Variants in FBXW9 observed in about 807,000 individuals in gnomAD.
FBXW9 encodes F-box/WD repeat-containing protein 9.
FBXW9 carries 38 observed loss-of-function variants against 55.8 expected under a neutral mutation model. That is an observed-to-expected ratio of 0.68 (90% confidence interval 0.53 to 0.89). The LOEUF is 0.89. Among genes scored for constraint, FBXW9 ranks in the 40% least tolerant of loss-of-function variants. The pLI is 0.00. For missense variants in FBXW9, 590 were observed against 619.4 expected, an observed-to-expected ratio of 0.95 and a Z score of 0.50; for synonymous variants, 289 against 278.2, an observed-to-expected ratio of 1.04 and a Z score of -0.38.
At position 12,694,822 on chromosome 19, in the gene FBXW9, C is replaced by T. The variant is rs750274311; in HGVS notation, c.526G>A (p.Val176Ile). ...FCLAEGHVASVDSVLLLQGGS... is the reference protein window; with the variant it reads ...FCLAEGHVASIDSVLLLQGGS... ...ACCTGGAGCAGCAGCACTGAGTCAA[C>T]GGAAGCCACGTGGCCTTCGGCCAGG... is the stretch of plus-strand genomic sequence containing the variant. The change falls in exon 2 of 10, where the codon GTT becomes ATT. Residue 176 changes from valine to isoleucine, a missense_variant. Transcript: ENST00000393261. The T allele has an allele frequency of 1.4e-5, 22 of 1,613,970 alleles. No homozygotes were observed. The South Asian group carries it at 1.4e-4, about 10-fold the overall frequency.
chr19:12,690,379 G>A (rs376760936), intron 5 of FBXW9, among the ~76,000 whole-genome samples: 1 of 152,150 alleles, frequency 6.6e-6, no homozygotes, highest in Non-Finnish European at 1.5e-5. Flanking sequence ...GACCAAGGTG[G>A]TCTCAGTCTT....
chr19:12,689,553 G>T lies in FBXW9; in HGVS notation c.1224C>A (p.Asp408Glu). 6.2e-7 allele frequency: 1 copy of T among 1,614,134 alleles called. No homozygotes were observed. Residue 408 changes from aspartate to glutamate, a missense_variant, in exon 8 of 10, where the codon GAC (aspartate) becomes GAA (glutamate). Physicochemically the swap from Asp to Glu is conservative, Grantham distance 45. Coordinates refer to ENST00000393261, the MANE Select transcript of FBXW9 (RefSeq NM_032301.3). This position sits in a 1 kb window ranked among gnomAD's most constrained non-coding sequence, Gnocchi z 5.9. The part of the protein sequence containing the change: ...SVGALYTTST[D>E]KTIRVHVPTD... ...GCAGGAGCCTCACCCGGATGGTCTT[G>T]TCAGTGGATGTGGTGTACAAGGCTC...
rs774969700 is a variant in FBXW9, at chr19:12,696,568, A to AG, written c.13dup (p.Leu5ProfsTer6). On this transcript the variant is annotated frameshift_variant, in exon 1 of 10. Transcript: ENST00000393261. LOFTEE classifies it high-confidence loss of function. ...GGTGCGGGAATCATCGCACCGCCCT[A>AG]GGGGAAGCTCCATTGCGACCGGGTG... 3.1e-6 allele frequency: 5 copies of AG among 1,610,442 alleles called. No homozygotes were observed. The South Asian group carries it at 5.5e-5, about 18-fold the overall frequency.
chr19:12,694,209 C>T (rs2145409637), intron 3 of FBXW9, among the ~76,000 whole-genome samples: 1 of 150,952 alleles, frequency 6.6e-6, no homozygotes, highest in East Asian at 2.0e-4. Context: ...GGTGTGGTGG[C>T]ATGCACCTGT....
intron 3 of FBXW9, among the ~76,000 whole-genome samples, chr19:12,692,169 T>C (rs1376944725): frequency 6.6e-6 from 1 of 151,908 alleles, no homozygotes; most frequent in Non-Finnish European, 1.5e-5. Flanking sequence ...AAGCAATCCT[T>C]GTACCACAGC....
chr19:12,691,633 G>A (rs1387373514), intron 3 of FBXW9, among the ~76,000 whole-genome samples, 179 bp from the exon 4 acceptor site: 1 of 152,178 alleles, frequency 6.6e-6, no homozygotes, highest in East Asian at 1.9e-4. Flanking sequence ...ACCCAACTCT[G>A]GCTCCAGGTG....
intron 3 of FBXW9, among the ~76,000 whole-genome samples, chr19:12,693,041 A>G (rs118088305): frequency 0.014 from 2,061 of 152,152 alleles, 48 homozygotes; most frequent in Admixed American, 0.046. Context: ...TTGCCCACCA[A>G]TCCCGCTGAG....
rs529787620 is a variant in FBXW9, at chr19:12,688,967, G to A, written c.*249C>T. On this transcript the variant is annotated 3_prime_UTR_variant, in exon 10 of 10. Transcript: ENST00000393261. ...TTCTCCTTCGCTCTCAACTGAGAGCGGGGCATCCAAATCATAACAAAACCA... is the reference window on the plus strand; with the variant it reads ...TTCTCCTTCGCTCTCAACTGAGAGCAGGGCATCCAAATCATAACAAAACCA... 15 of 673,244 alleles carry A rather than the reference G, an allele frequency of 2.2e-5. No homozygotes were observed. Among genetic ancestry groups the A allele is most frequent in the East Asian group, 2.0e-4 (7 of 35,646 alleles). The allele number at this position is 673,244 out of a possible 1,614,324, so 41.7% of individuals were successfully genotyped here. A position where few individuals can be genotyped will look rare whatever the true frequency, so the allele number is the denominator to read the frequency against.
At chr19:12,693,535 T>A (rs1235375233) in intron 3 of FBXW9, among the ~76,000 whole-genome samples, 2,321 of 9,742 alleles carry the variant, frequency 0.24, 552 homozygotes, top group South Asian at 0.31. Context: ...AAAAAATATA[T>A]ATATATATAT....
At chr19:12,691,760 C>CT (rs919563211) in intron 3 of FBXW9, among the ~76,000 whole-genome samples, 30 of 147,780 alleles carry the variant, frequency 2.0e-4, no homozygotes, top group Admixed American at 2.0e-4. Context: ...CACCCAGAAA[C>CT]TTTTTTTTTT....
At position 12,696,552 on chromosome 19, in the gene FBXW9, A is replaced by G. The variant is rs2145414569; in HGVS notation, c.30T>C (p.Asp10=). 1 of 1,611,896 alleles carries G rather than the reference A, an allele frequency of 6.2e-7. No homozygotes were observed. Among genetic ancestry groups the G allele is most frequent in the South Asian group, 1.1e-5 (1 of 91,078 alleles). ...CCGAGTCATCGTCCCAGGTGCGGGA[A>G]TCATCGCACCGCCCTAGGGGAAGCT... MELPLGRCD[D]SRTWDDDSDP... is the part of the protein sequence containing the mutation. Residue 10 remains aspartate (D), a synonymous_variant, in exon 1 of 10, where the codon GAT becomes GAC. Coordinates refer to ENST00000393261, the MANE Select transcript of FBXW9 (RefSeq NM_032301.3).
intron 1 of FBXW9, among the ~76,000 whole-genome samples, 189 bp downstream of exon 1, chr19:12,695,984 G>A (rs934706243): frequency 6.6e-6 from 1 of 152,180 alleles, no homozygotes; most frequent in Non-Finnish European, 1.5e-5. Context: ...CTGCCTCGTG[G>A]TCCACCCAGA....
Position 12,691,179 on chromosome 19 carries a change from G to T in FBXW9, c.870C>A (p.Ile290=), listed in dbSNP as rs775488383. 1 of 1,614,202 alleles carries T rather than the reference G, an allele frequency of 6.2e-7. No homozygotes were observed. Among genetic ancestry groups the T allele is most frequent in the South Asian group, 1.1e-5 (1 of 91,080 alleles). The change falls in exon 5 of 10, where the codon ATC becomes ATA. Residue 290 remains isoleucine, a synonymous_variant. Coordinates refer to ENST00000393261, the MANE Select transcript of FBXW9 (RefSeq NM_032301.3). ...VTGTYDKKVT[I]YDPRAGPALL... is the part of the protein sequence containing the mutation. ...CCCTTGGCCCACCTCTGGGGTCGTA[G>T]ATGGTCACCTTCTTGTCATAGGTGC...
chr19:12,693,555 TATATATACAC>T (rs1309631678), intron 3 of FBXW9, among the ~76,000 whole-genome samples: 117 of 20,502 alleles, frequency 5.7e-3, no homozygotes, highest in Non-Finnish European at 8.3e-3. Flanking sequence ...TATATATATA[TATATATACAC>T]ACACACACAC....
Position 12,694,687 on chromosome 19 carries a change from G to C in FBXW9, c.585C>G (p.Arg195=). Residue 195 remains arginine, a synonymous_variant, in exon 3 of 10, where the codon CGC becomes CGG. Transcript: ENST00000393261. ...GCCGCAGGTCCCACAAGTTGACGTT[G>C]CGATCTCGGGAGCCCGACAGACAGA... The part of the protein sequence containing the change: ...GSLCLSGSRD[R]NVNLWDLRQL... 6.2e-7 allele frequency: 1 copy of C among 1,614,196 alleles called. No individual in the cohort carries two copies. The highest frequency in any genetic ancestry group is 8.5e-7 in the Non-Finnish European group (1 of 1,180,036).
At chr19:12,695,854 A>G (rs2025063925) in intron 1 of FBXW9, among the ~76,000 whole-genome samples, 2 of 152,208 alleles carry the variant, frequency 1.3e-5, no homozygotes, top group Middle Eastern at 3.4e-3. Context: ...TCAATCCCCA[A>G]TCAGGGGTCA....
chr19:12,696,304 T>TA lies in FBXW9; in HGVS notation c.277dup (p.Tyr93LeufsTer24), dbSNP rs1408041027. Reference sequence around the variant, plus strand: ...GTGGAGCACGAGGCGGGCGTCCAGGTAGGAGCAGATCTCGAGCAGCAGCTC... The same window carrying TA: ...GTGGAGCACGAGGCGGGCGTCCAGGTAAGGAGCAGATCTCGAGCAGCAGCTC... On this transcript the variant is annotated frameshift_variant, in exon 1 of 10. Coordinates refer to ENST00000393261, the MANE Select transcript of FBXW9 (RefSeq NM_032301.3). LOFTEE classifies it high-confidence loss of function. 1.3e-6 allele frequency: 2 copies of TA among 1,580,858 alleles called. No homozygotes were observed. Among genetic ancestry groups the TA allele is most frequent in the Non-Finnish European group, 1.7e-6 (2 of 1,164,218 alleles).
Position 12,696,536 on chromosome 19 carries a change from C to G in FBXW9, c.46G>C (p.Asp16His). ...GRCDDSRTWD[D>H]DSDPESETDP... is the part of the protein sequence containing the mutation. ...GTCTCTGACTCTGGGTCCGAGTCAT[C>G]GTCCCAGGTGCGGGAATCATCGCAC... The change falls in exon 1 of 10, where the codon GAT becomes CAT. Residue 16 changes from aspartate to histidine, a missense_variant. Asp to His is a moderately conservative substitution (Grantham distance 81). Transcript: ENST00000393261. 1 of 1,612,514 alleles carries G rather than the reference C, an allele frequency of 6.2e-7. No homozygotes were observed. The highest frequency in any genetic ancestry group is 1.1e-5 in the South Asian group (1 of 91,074).
At chr19:12,693,513 AAAAAAAAAAAAAAAAAATAT>A (rs2025030635) in intron 3 of FBXW9, among the ~76,000 whole-genome samples, 1 of 27,348 alleles carries the variant, frequency 3.7e-5, no homozygotes, top group Non-Finnish European at 6.9e-5. Flanking sequence ...AAAAAAAAAA[AAAAAAAAAAAAAAAAAATAT>A]ATATATATAT....
Sources: gnomAD v4.1 joint callset for allele counts (sites outside exome capture counted in the v4.1 genomes callset) on GRCh38, gnomAD v4.1.1 for gene constraint, Gnocchi (gnomAD v3.1) non-coding constraint, MANE v1.5 for transcripts, NCBI Gene and HGNC (gene_info 2026-07-23, HGNC 2026-07-21) for gene names.